Variants in TEAD1 observed in about 807,000 individuals in gnomAD.
TEAD1 encodes the protein transcriptional enhancer factor TEF-1.
A neutral mutation model predicts 54.9 loss-of-function variants in TEAD1; 9 were observed. The observed-to-expected ratio is 0.16, with a 90% CI of 0.10 to 0.29. The LOEUF is 0.29. TEAD1 is among the 10% of genes least tolerant of loss of function. TEAD1 has a pLI of 1.00. For synonymous variants in TEAD1, 200 were observed against 187.8 expected (o/e 1.07, Z -0.53); for missense variants, 387 against 535.9 (o/e 0.72, Z 2.74).
At chr11:12,898,449 C>T (rs1589971429) in intron 9 of TEAD1, among the ~76,000 whole-genome samples, 1 of 150,260 alleles carries the variant, frequency 6.7e-6, no homozygotes, top group African/African-American at 2.5e-5. Flanking sequence ...GGCTGGAGTG[C>T]AGTGGTGTGA....
At chr11:12,687,953 G>A (rs1343609541) in intron 2 of TEAD1, among the ~76,000 whole-genome samples, 1 of 152,146 alleles carries the variant, frequency 6.6e-6, no homozygotes, top group African/African-American at 2.4e-5. Context: ...CTGTAGTTTG[G>A]AAGTTTGGAA....
Position 12,933,248 on chromosome 11 carries a change from T to C in TEAD1, c.1167+2922T>C, listed in dbSNP as rs899391236. Among the ~76,000 whole-genome samples, 4 of 152,338 alleles carry C rather than the reference T, an allele frequency of 2.6e-5. 1 individual carries two copies. The highest frequency in any genetic ancestry group is 2.4e-5 in the African/African-American group (1 of 41,572). ...CAGGTTAGATTAATTTCAAAATGTG[T>C]CATTAAGCAACTAAATAAATTCCTT... On this transcript the variant is annotated intron_variant, in intron 12 of 12. Coordinates refer to ENST00000527636, the MANE Select transcript of TEAD1 (RefSeq NM_021961.6).
chr11:12,746,686 T>G (rs1186222895), intron 2 of TEAD1, among the ~76,000 whole-genome samples: 1 of 152,212 alleles, frequency 6.6e-6, no homozygotes, highest in Non-Finnish European at 1.5e-5. Context: ...CTGGGGCACT[T>G]CCCTCCTACA....
At chr11:12,681,669 T>C (rs574861200) in intron 2 of TEAD1, among the ~76,000 whole-genome samples, 2 of 152,238 alleles carry the variant, frequency 1.3e-5, no homozygotes, top group Non-Finnish European at 2.9e-5. Context: ...GACCATGTGC[T>C]CATCACCCAT....
At chr11:12,792,817 CA>C (rs1945832295) in intron 3 of TEAD1, among the ~76,000 whole-genome samples, 1 of 152,144 alleles carries the variant, frequency 6.6e-6, no homozygotes, top group Admixed American at 6.5e-5. Context: ...GTGGTTTGGG[CA>C]GCTGAGACAA....
intron 2 of TEAD1, among the ~76,000 whole-genome samples, chr11:12,703,049 A>G (rs933314572): frequency 2.6e-5 from 4 of 152,152 alleles, no homozygotes; most frequent in African/African-American, 9.7e-5. Flanking sequence ...GTTCTGAGCC[A>G]CTACATCTTA....
rs1385176496 is a variant in TEAD1, at chr11:12,930,325, T to C, written c.1166T>C (p.Leu389Ser). 1.2e-6 allele frequency: 2 copies of C among 1,614,130 alleles called. No individual in the cohort carries two copies. The highest frequency in any genetic ancestry group is 1.7e-6 in the Non-Finnish European group (2 of 1,180,002). Residue 389 changes from leucine (L) to serine (S), a missense_variant and splice_region_variant, in exon 12 of 13, where the codon TTG (leucine) becomes TCG (serine). Around this residue, in one of 5 missense-constraint regions of TEAD1, gnomAD observed 123 missense variants for 199.0 expected, o/e 0.62. Coordinates refer to ENST00000527636, the MANE Select transcript of TEAD1 (RefSeq NM_021961.6). The stretch of plus-strand genomic sequence containing the variant: ...GTTTTGGAAAACTTCACAATTTTAT[T>C]GGTAATGGTTTTGTCTCTTTCCTCT...
chr11:12,834,993 T>G (rs1196238946), intron 3 of TEAD1, among the ~76,000 whole-genome samples: 1 of 152,210 alleles, frequency 6.6e-6, no homozygotes, highest in Non-Finnish European at 1.5e-5. Flanking sequence ...TTTAGAGTTT[T>G]GTGATTTTTT....
chr11:12,869,335 G>T (rs773534876), intron 5 of TEAD1, among the ~76,000 whole-genome samples: 4 of 152,132 alleles, frequency 2.6e-5, no homozygotes, highest in Non-Finnish European at 4.4e-5. Flanking sequence ...ACACCCCCTG[G>T]GGCTGCTCCG....
chr11:12,697,956 A>T (rs1943620988), intron 2 of TEAD1, among the ~76,000 whole-genome samples: 1 of 151,716 alleles, frequency 6.6e-6, no homozygotes, highest in African/African-American at 2.4e-5. Context: ...CCAGGAGTCA[A>T]AGGTTGCAGT....
intron 2 of TEAD1, among the ~76,000 whole-genome samples, chr11:12,711,052 G>A (rs1782403012): frequency 6.6e-6 from 1 of 152,138 alleles, no homozygotes; most frequent in South Asian, 2.1e-4. Context: ...TAGGAGCTTG[G>A]ATTGATCTGT....
At chr11:12,688,127 G>A (rs142513865) in intron 2 of TEAD1, among the ~76,000 whole-genome samples, 25 of 152,232 alleles carry the variant, frequency 1.6e-4, no homozygotes, top group African/African-American at 5.5e-4. Context: ...TTTGAGAATG[G>A]GAGTGCTTGG....
At chr11:12,860,859 C>G (rs1947485374) in intron 3 of TEAD1, among the ~76,000 whole-genome samples, 1 of 152,116 alleles carries the variant, frequency 6.6e-6, no homozygotes, top group Non-Finnish European at 1.5e-5. Flanking sequence ...AACAAGGCAA[C>G]CAAACCTAGT....
At chr11:12,766,983 T>G (rs1161305932) in intron 3 of TEAD1, among the ~76,000 whole-genome samples, 2 of 152,132 alleles carry the variant, frequency 1.3e-5, no homozygotes, top group Non-Finnish European at 2.9e-5. Context: ...GAACTCCCTG[T>G]CTCTGGTCGA....
intron 5 of TEAD1, among the ~76,000 whole-genome samples, chr11:12,867,712 T>C (rs1947649532): frequency 6.6e-6 from 1 of 152,160 alleles, no homozygotes; most frequent in Non-Finnish European, 1.5e-5. Flanking sequence ...ACCGAGGTCA[T>C]CATGGGGTCA....
At chr11:12,902,486 A>G (rs1240587983) in intron 10 of TEAD1, among the ~76,000 whole-genome samples, 1 of 152,192 alleles carries the variant, frequency 6.6e-6, no homozygotes, top group Non-Finnish European at 1.5e-5. Flanking sequence ...CTTTAAAATG[A>G]CGGGCAAAGT....
intron 10 of TEAD1, among the ~76,000 whole-genome samples, chr11:12,912,875 C>A (rs1218953735): frequency 6.6e-6 from 1 of 152,096 alleles, no homozygotes; most frequent in Non-Finnish European, 1.5e-5. Flanking sequence ...TGTCCTGGGT[C>A]CTTTGTCTCT....
chr11:12,916,324 C>T (rs747341459), intron 10 of TEAD1, among the ~76,000 whole-genome samples: 8 of 152,092 alleles, frequency 5.3e-5, no homozygotes, highest in South Asian at 2.1e-4. Flanking sequence ...GCCACACACC[C>T]GACAAACGTG....
chr11:12,768,965 C>T (rs150302914), intron 3 of TEAD1, among the ~76,000 whole-genome samples: 92 of 152,240 alleles, frequency 6.0e-4, no homozygotes, highest in African/African-American at 1.9e-3. Context: ...AATAACATAG[C>T]GGAGAGGATC....
Sources: allele counts gnomAD v4.1 joint callset (sites outside exome capture counted in the v4.1 genomes callset), GRCh38; gene constraint gnomAD v4.1.1; regional missense constraint gnomAD v4.1.1; transcripts MANE v1.5; gene names NCBI Gene and HGNC (gene_info 2026-07-23, HGNC 2026-07-21).